ADAM32: variants seen among roughly 807,000 people sequenced by gnomAD.
ADAM32 encodes the protein disintegrin and metalloproteinase domain-containing protein 32.
Under a neutral mutation model 114.9 loss-of-function variants are expected in ADAM32, and 89 were observed. That is an observed-to-expected ratio of 0.77 (90% confidence interval 0.65 to 0.92). ADAM32 has a LOEUF of 0.92. ADAM32 is among the 40% of genes least tolerant of loss of function. The pLI is 0.00. For missense variants in ADAM32, 870 were observed against 932.8 expected, an observed-to-expected ratio of 0.93 and a Z score of 0.88; for synonymous variants, 285 against 307.5, an observed-to-expected ratio of 0.93 and a Z score of 0.77.
rs113063036 is a variant in ADAM32, at chr8:39,254,446, G to T, written c.1935G>T (p.Ser645=). ...ATTCCAGAAACAAGTGCCATTGTTC[G>T]CCAGGCTATAAGCCTCCAAACTGCC... ...VCDSRNKCHC[S]PGYKPPNCQI... The change falls in exon 18 of 25, where the codon TCG becomes TCT. Residue 645 remains serine (S), a synonymous_variant. Transcript: ENST00000379907. 8.7e-6 allele frequency: 14 copies of T among 1,600,554 alleles called. No individual in the cohort carries two copies. In the Admixed American group the frequency reaches 1.2e-4, roughly 14 times the overall value.
At chr8:39,230,242 T>C (rs993677669) in intron 14 of ADAM32, among the ~76,000 whole-genome samples, 2 of 152,190 alleles carry the variant, frequency 1.3e-5, no homozygotes, top group African/African-American at 2.4e-5. Context: ...ATTTAACATA[T>C]GACTTCACAT....
In ADAM32 at chr8:39,257,256, C is replaced by T; in HGVS notation, c.2075C>T (p.Pro692Leu). The change falls in exon 19 of 25, where the codon CCT (proline) becomes CTT (leucine). Residue 692 changes from proline to leucine, a missense_variant. By Grantham distance (98) the Pro-to-Leu change is moderately conservative. Coordinates refer to ENST00000379907, the MANE Select transcript of ADAM32 (RefSeq NM_145004.7). ...TWLLGFLIAL[P>L]ILIVTTAIVL... ...CTTCTAGGTTTCCTCATTGCTCTTC[C>T]TATTCTCATTGTAACAACCGCAATA... 6.2e-7 allele frequency: 1 copy of T among 1,612,836 alleles called. No individual in the cohort carries two copies. The highest frequency in any genetic ancestry group is 8.5e-7 in the Non-Finnish European group (1 of 1,179,390).
At chr8:39,227,839 C>G (rs1243896609) in intron 14 of ADAM32, among the ~76,000 whole-genome samples, 1 of 152,194 alleles carries the variant, frequency 6.6e-6, no homozygotes, top group African/African-American at 2.4e-5. Flanking sequence ...CTGATGCTCT[C>G]TGGAAAGGAC....
chr8:39,150,136 A>T (rs193263815), intron 5 of ADAM32, among the ~76,000 whole-genome samples: 1 of 152,262 alleles, frequency 6.6e-6, no homozygotes, highest in East Asian at 1.9e-4. Context: ...AGACAATTGA[A>T]CATGTTTGAC....
intron 3 of ADAM32, among the ~76,000 whole-genome samples, chr8:39,142,234 A>G (rs912830636): frequency 4.6e-5 from 7 of 152,010 alleles, no homozygotes; most frequent in African/African-American, 1.7e-4. Flanking sequence ...TGTGAATTTG[A>G]TCCTGTCATT....
intron 19 of ADAM32, among the ~76,000 whole-genome samples, chr8:39,267,447 G>T (rs1470889147): frequency 6.6e-6 from 1 of 152,124 alleles, no homozygotes; most frequent in Non-Finnish European, 1.5e-5. Flanking sequence ...GAACTACTCA[G>T]CTGTATGAAT....
intron 13 of ADAM32, among the ~76,000 whole-genome samples, chr8:39,222,636 G>T (rs1255479889): frequency 6.6e-6 from 1 of 151,966 alleles, no homozygotes; most frequent in African/African-American, 2.4e-5. Context: ...TTTCACAGTT[G>T]TCATAGAATT....
intron 10 of ADAM32, among the ~76,000 whole-genome samples, chr8:39,173,881 G>A (rs1805349353): frequency 6.6e-6 from 1 of 152,104 alleles, no homozygotes; most frequent in Non-Finnish European, 1.5e-5. Flanking sequence ...CTGGAGTGCA[G>A]TGGCACAATC....
chr8:39,230,102 T>G (rs946908627), intron 14 of ADAM32, among the ~76,000 whole-genome samples: 1 of 152,188 alleles, frequency 6.6e-6, no homozygotes. Context: ...TCAAAGCATT[T>G]GATAATAGGC....
intron 9 of ADAM32, chr8:39,168,030 G>T (rs1390347695): frequency 2.6e-5 from 4 of 151,994 alleles, no homozygotes; most frequent in African/African-American, 9.6e-5. Context: ...TGCCTGTAAG[G>T]GCTTTTTGAA....
chr8:39,194,441 G>A (rs1245557229), intron 11 of ADAM32, among the ~76,000 whole-genome samples: 2 of 152,120 alleles, frequency 1.3e-5, no homozygotes, highest in East Asian at 1.9e-4. Context: ...GGGAGGCAAG[G>A]TTCTCCTGCA....
At chr8:39,228,172 C>G (rs1283431618) in intron 14 of ADAM32, among the ~76,000 whole-genome samples, 1 of 152,192 alleles carries the variant, frequency 6.6e-6, no homozygotes, top group Non-Finnish European at 1.5e-5. Context: ...ACAAAAGAAT[C>G]TGAACAAAAG....
chr8:39,275,809 CT>C lies in ADAM32; in HGVS notation c.2241-14del. The C allele has an allele frequency of 6.5e-7, 1 of 1,547,662 alleles. No individual in the cohort carries two copies. The highest frequency in any genetic ancestry group is 8.7e-7 in the Non-Finnish European group (1 of 1,144,998). On this transcript the variant is annotated intron_variant, in intron 21 of 24. Coordinates refer to ENST00000379907, the MANE Select transcript of ADAM32 (RefSeq NM_145004.7). ...GTTAAGTATTAACGTGGAAGCATTACTTTTTCGCTTTCTTTTAGAACCAGAT... is the reference window on the plus strand; with the variant it reads ...GTTAAGTATTAACGTGGAAGCATTACTTTTCGCTTTCTTTTAGAACCAGAT...
intron 2 of ADAM32, among the ~76,000 whole-genome samples, chr8:39,135,045 C>T (rs188085359): frequency 2.6e-5 from 4 of 152,288 alleles, no homozygotes; most frequent in African/African-American, 9.6e-5. Flanking sequence ...ATTCCAGCTC[C>T]TCGGGAGGCT....
intron 14 of ADAM32, among the ~76,000 whole-genome samples, chr8:39,229,507 C>T (rs988058253): frequency 6.6e-6 from 1 of 152,126 alleles, no homozygotes; most frequent in Non-Finnish European, 1.5e-5. Flanking sequence ...TGGAAAAAGG[C>T]ATTTCATGCA....
intron 17 of ADAM32, among the ~76,000 whole-genome samples, chr8:39,251,326 G>A (rs1021191527): frequency 5.3e-5 from 8 of 151,072 alleles, no homozygotes; most frequent in Admixed American, 2.6e-4. Flanking sequence ...CCACAGCCTC[G>A]CCAGCATTGG....
At chr8:39,252,159 G>A (rs1811348829) in intron 17 of ADAM32, among the ~76,000 whole-genome samples, 1 of 151,552 alleles carries the variant, frequency 6.6e-6, no homozygotes. Context: ...TTATGCATTT[G>A]GCTTTGTTCT....
At chr8:39,196,304 T>C (rs1378359511) in intron 11 of ADAM32, among the ~76,000 whole-genome samples, 4 of 152,180 alleles carry the variant, frequency 2.6e-5, no homozygotes. Context: ...ATTTGACTTC[T>C]ACATTTCCAG....
At chr8:39,273,893 T>C (rs1812908946) in intron 20 of ADAM32, among the ~76,000 whole-genome samples, 1 of 152,214 alleles carries the variant, frequency 6.6e-6, no homozygotes, top group African/African-American at 2.4e-5. Context: ...GGAGGCAGTA[T>C]AGGTTTTAAT....
Sources: gnomAD v4.1 joint callset for allele counts (sites outside exome capture counted in the v4.1 genomes callset) on GRCh38, gnomAD v4.1.1 for gene constraint, MANE v1.5 for transcripts, NCBI Gene and HGNC (gene_info 2026-07-23, HGNC 2026-07-21) for gene names.